PUDP: variants seen among roughly 807,000 people sequenced by gnomAD.
PUDP encodes the protein pseudouridine-5'-phosphatase.
Under a neutral mutation model 9.4 loss-of-function variants are expected in PUDP, and 8 were observed. That is an observed-to-expected ratio of 0.85 (90% confidence interval 0.50 to 1.53). The LOEUF (loss-of-function observed/expected upper bound fraction) is 1.53, where lower values mean the gene tolerates loss of function less well. Ranked by LOEUF, PUDP falls within the 40% of genes most tolerant of loss-of-function variation. PUDP has a pLI of 0.00. For synonymous variants in PUDP, 99 were observed against 80.7 expected (o/e 1.23, Z -1.22); for missense variants, 188 against 189.7 (o/e 0.99, Z 0.05).
intron 3 of PUDP, among the ~76,000 whole-genome samples, chrX:6,936,398 A>G (rs1336850287): frequency 1.2e-5 from 1 of 80,840 alleles, no homozygotes; most frequent in Non-Finnish European, 2.4e-5. Flanking sequence ...CGATTATCTC[A>G]ATAGATGCAG....
intron 1 of PUDP, among the ~76,000 whole-genome samples, chrX:6,980,519 A>C (rs944271187): frequency 9.0e-6 from 1 of 111,089 alleles, no homozygotes; most frequent in African/African-American, 3.3e-5. Flanking sequence ...CTCCTTTTAC[A>C]ATATTAACTT....
At chrX:7,002,834 A>G (rs976471264) in intron 1 of PUDP, among the ~76,000 whole-genome samples, 2 of 110,153 alleles carry the variant, frequency 1.8e-5, no homozygotes, top group African/African-American at 6.6e-5. Flanking sequence ...GGACAGAACT[A>G]TACGCACCCA....
At chrX:6,775,764 C>T (rs1000785601) in intron 3 of PUDP, among the ~76,000 whole-genome samples, 2 of 110,800 alleles carry the variant, frequency 1.8e-5, no homozygotes, top group Non-Finnish European at 3.8e-5. Flanking sequence ...AAAAAGGCCC[C>T]AGAGAGCTCC....
rs762028588 is a variant in PUDP, at chrX:7,008,084, C to T, written c.205-29741G>A. ...GTTCACACCATTCTCCTGTCTCAGC[C>T]TCTGGAGTAGCTGGGACTACAGGCA... On this transcript the variant is annotated intron_variant and NMD_transcript_variant, in intron 1 of 3. Coordinates refer to the PUDP transcript ENST00000655425. Among the ~76,000 whole-genome samples the T allele has an allele frequency of 2.1e-3, 226 of 110,094 alleles. 3 individuals are homozygous for T. The highest frequency in any genetic ancestry group is 3.3e-3 in the Admixed American group (34 of 10,357).
chrX:6,770,432 T>A (rs1306803522), intron 3 of PUDP, among the ~76,000 whole-genome samples: 1 of 112,734 alleles, frequency 8.9e-6, no homozygotes, highest in African/African-American at 3.2e-5. Context: ...AGATAATTTG[T>A]CAAAACCATG....
chrX:6,952,742 C>G (rs924081943), intron 3 of PUDP, among the ~76,000 whole-genome samples: 3 of 111,217 alleles, frequency 2.7e-5, no homozygotes, highest in African/African-American at 9.8e-5. Context: ...GCTGTTCCCC[C>G]CTTTTGCCCT....
chrX:7,013,544 G>T (rs1929506467), intron 1 of PUDP, among the ~76,000 whole-genome samples: 1 of 112,243 alleles, frequency 8.9e-6, no homozygotes, highest in African/African-American at 3.2e-5. Flanking sequence ...AGCTAAAACT[G>T]ATTAAAACAG....
intron 3 of PUDP, among the ~76,000 whole-genome samples, chrX:6,728,116 T>C (rs183573905): frequency 1.5e-4 from 17 of 110,988 alleles, no homozygotes; most frequent in African/African-American, 4.3e-4. Flanking sequence ...TGTTACATGG[T>C]GGCAGACAAG....
chrX:6,874,451 A>T (rs1273222979), intron 3 of PUDP, among the ~76,000 whole-genome samples: 3 of 112,592 alleles, frequency 2.7e-5, no homozygotes, highest in Non-Finnish European at 5.6e-5. Flanking sequence ...ACCAATAGAG[A>T]TGTAAACATT....
chrX:6,790,149 GTAGA>G (rs1173938200), intron 3 of PUDP, among the ~76,000 whole-genome samples: 5 of 111,622 alleles, frequency 4.5e-5, no homozygotes, highest in African/African-American at 1.6e-4. Context: ...ATGTAGATAG[GTAGA>G]TAGAGAAGGA....
At chrX:7,090,513 A>T (rs1478860888) in intron 2 of PUDP, among the ~76,000 whole-genome samples, 1 of 112,007 alleles carries the variant, frequency 8.9e-6, no homozygotes, top group Non-Finnish European at 1.9e-5. Flanking sequence ...TGATATACCA[A>T]CATGCTTAAA....
intron 3 of PUDP, among the ~76,000 whole-genome samples, chrX:7,062,566 G>A (rs1930434040): frequency 9.0e-6 from 1 of 110,752 alleles, no homozygotes; most frequent in Non-Finnish European, 1.9e-5. Flanking sequence ...GTCAGGATGA[G>A]ATGGACATGC....
intron 2 of PUDP, among the ~76,000 whole-genome samples, chrX:7,092,293 AACTC>A (rs1427635985): frequency 1.8e-5 from 2 of 113,191 alleles, no homozygotes; most frequent in Admixed American, 1.9e-4. Context: ...TCTTTTAAAT[AACTC>A]ACATCAAAAA....
At chrX:6,728,815 G>A (rs754614344) in intron 3 of PUDP, among the ~76,000 whole-genome samples, 3 of 111,455 alleles carry the variant, frequency 2.7e-5, no homozygotes, top group Non-Finnish European at 5.6e-5. Context: ...GATTTTCCCT[G>A]ATGTCCCTTT....
At chrX:6,993,137 T>C (rs934527439) in intron 1 of PUDP, among the ~76,000 whole-genome samples, 1 of 111,496 alleles carries the variant, frequency 9.0e-6, no homozygotes, top group African/African-American at 3.3e-5. Context: ...AGACAGCCTA[T>C]TGTGGGACCT....
At chrX:6,870,246 G>A (rs1211423087) in intron 3 of PUDP, among the ~76,000 whole-genome samples, 1 of 111,888 alleles carries the variant, frequency 8.9e-6, no homozygotes, top group African/African-American at 3.3e-5. Context: ...GGTGGTCATT[G>A]TAAAACAACA....
chrX:7,082,886 C>T (rs1050254983), intron 2 of PUDP, among the ~76,000 whole-genome samples: 5 of 112,619 alleles, frequency 4.4e-5, no homozygotes, highest in Non-Finnish European at 5.6e-5. Context: ...TGAACGGTAG[C>T]CCCCAAACAG....
At chrX:7,069,672 C>T (rs1930671588) in intron 3 of PUDP, among the ~76,000 whole-genome samples, 1 of 110,910 alleles carries the variant, frequency 9.0e-6, no homozygotes. Flanking sequence ...AAGGCTTCTG[C>T]ACTCCCTTCC....
intron 3 of PUDP, among the ~76,000 whole-genome samples, chrX:6,736,149 AC>A (rs1924870007): frequency 8.9e-6 from 1 of 112,178 alleles, no homozygotes; most frequent in Admixed American, 9.5e-5. Context: ...AGAAAAAAAA[AC>A]ATTGAAAACT....
Sources: allele counts gnomAD v4.1 joint callset (sites outside exome capture counted in the v4.1 genomes callset), GRCh38; gene constraint gnomAD v4.1.1; transcripts MANE v1.5; gene names NCBI Gene and HGNC (gene_info 2026-07-23, HGNC 2026-07-21).